Variants in SCN4A observed in about 807,000 individuals in gnomAD.
The protein encoded by SCN4A is sodium channel protein type 4 subunit alpha.
Under a neutral mutation model 162.0 loss-of-function variants are expected in SCN4A, and 83 were observed. The ratio of observed to expected loss-of-function variants is 0.51; its 90% confidence interval spans 0.43 to 0.61. The LOEUF (loss-of-function observed/expected upper bound fraction) is 0.61, where lower values mean the gene tolerates loss of function less well. Ranked by LOEUF, SCN4A falls within the 20% of genes least tolerant of loss-of-function variation. The pLI, the probability that SCN4A is intolerant of heterozygous loss-of-function variation, is 0.00. For missense variants in SCN4A, 2,196 were observed against 2,462.5 expected (o/e 0.89, Z 2.29); for synonymous variants, 944 against 985.1 (o/e 0.96, Z 0.78).
intron 12 of SCN4A, among the ~76,000 whole-genome samples, chr17:63,958,284 G>A: frequency 6.6e-6 from 1 of 151,868 alleles, no homozygotes; most frequent in East Asian, 1.9e-4. Flanking sequence ...TGAGTCTGGG[G>A]AGGTCAAGGC....
At chr17:63,943,379 CAA>C (rs1598405880) in intron 22 of SCN4A, among the ~76,000 whole-genome samples, 1 of 142,810 alleles carries the variant, frequency 7.0e-6, no homozygotes, top group East Asian at 2.1e-4. Context: ...CCCTTTCTTC[CAA>C]AGTCATTGCT....
At position 63,951,952 on chromosome 17, in the gene SCN4A, G is replaced by T. The variant is rs1292514385; in HGVS notation, c.2377-52C>A. ...CACATCAGTCCCCGGGACCCAGAGGGTGCCACCTTCAGCCAGCACAGGGGT... is the reference window on the plus strand; with the variant it reads ...CACATCAGTCCCCGGGACCCAGAGGTTGCCACCTTCAGCCAGCACAGGGGT... On this transcript the variant is annotated intron_variant, in intron 13 of 23. Transcript: ENST00000435607. The surrounding 1 kb of genome is among the most constrained non-coding windows in gnomAD (Gnocchi z 4.5). The T allele has an allele frequency of 1.7e-6, 2 of 1,211,920 alleles. No individual in the cohort carries two copies. Among genetic ancestry groups the T allele is most frequent in the East Asian group, 2.6e-5 (1 of 39,020 alleles). 75.1% of individuals were successfully genotyped at this position (1,211,920 alleles called of 1,614,324 possible).
Position 63,939,173 on chromosome 17 carries a change from G to A in SCN4A, c.*1598C>T, listed in dbSNP as rs1043877549. ...CCTGAATTTTAATCAAACTTTTCATGAGAAACAAGAAGAAAAAGAAGAGGC... is the reference window on the plus strand; with the variant it reads ...CCTGAATTTTAATCAAACTTTTCATAAGAAACAAGAAGAAAAAGAAGAGGC... On this transcript the variant is annotated 3_prime_UTR_variant, in exon 24 of 24. Transcript: ENST00000435607. 1 of 152,692 alleles carries A rather than the reference G, an allele frequency of 6.5e-6. No homozygotes were observed. The highest frequency in any genetic ancestry group is 2.4e-5 in the African/African-American group (1 of 41,436). 9.5% of individuals were successfully genotyped at this position (152,692 alleles called of 1,614,324 possible).
chr17:63,940,703 T>C lies in SCN4A; in HGVS notation c.*68A>G. ...TTCAAAGCCCTCCTCCCTCACTCTGTGTGCAGGCACCACGGGGGAGCTCTG... is the reference window on the plus strand; with the variant it reads ...TTCAAAGCCCTCCTCCCTCACTCTGCGTGCAGGCACCACGGGGGAGCTCTG... On this transcript the variant is annotated 3_prime_UTR_variant, in exon 24 of 24. Coordinates refer to ENST00000435607, the MANE Select transcript of SCN4A (RefSeq NM_000334.4). The C allele has an allele frequency of 6.7e-7, 1 of 1,497,154 alleles. No individual in the cohort carries two copies. Among genetic ancestry groups the C allele is most frequent in the Non-Finnish European group, 8.9e-7 (1 of 1,118,380 alleles). The allele number at this position is 1,497,154 out of a possible 1,614,324, so 92.7% of individuals were successfully genotyped here.
In SCN4A at chr17:63,957,019, A is replaced by T. The variant is rs545812767; in HGVS notation, c.2376+143T>A. 11 of 609,970 alleles carry T rather than the reference A, an allele frequency of 1.8e-5. No individual in the cohort carries two copies. In the East Asian group the frequency reaches 3.0e-4, roughly 17 times the overall value. The allele number at this position is 609,970 out of a possible 1,614,324, so 37.8% of individuals were successfully genotyped here. ...TCCTAAGTGATTCTTACACAGGTTA[A>T]AATTTGAGAACTACGGGGTTAAACC... On this transcript the variant is annotated intron_variant, in intron 13 of 23. Coordinates refer to ENST00000435607, the MANE Select transcript of SCN4A (RefSeq NM_000334.4).
chr17:63,939,768 G>A lies in SCN4A; in HGVS notation c.*1003C>T, dbSNP rs1174837872. 2 of 152,270 alleles carry A rather than the reference G, an allele frequency of 1.3e-5. No individual in the cohort carries two copies. The highest frequency in any genetic ancestry group is 4.8e-5 in the African/African-American group (2 of 41,438). 9.4% of individuals were successfully genotyped at this position (152,270 alleles called of 1,614,324 possible). On this transcript the variant is annotated 3_prime_UTR_variant, in exon 24 of 24. Coordinates refer to ENST00000435607, the MANE Select transcript of SCN4A (RefSeq NM_000334.4). ...TTCTTAGGATCACTTTGGGGAGAGA[G>A]GTGGGAAAGGTGAGAAAGAGACGGG...
intron 11 of SCN4A, among the ~76,000 whole-genome samples, 188 bp downstream of exon 11, chr17:63,961,005 G>A (rs1457145842): frequency 1.9e-4 from 28 of 144,716 alleles, no homozygotes; most frequent in Non-Finnish European, 1.5e-5. Flanking sequence ...CCAGTTCTGT[G>A]TGCCACAGAT....
intron 5 of SCN4A, among the ~76,000 whole-genome samples, chr17:63,969,872 A>AC (rs776748240): frequency 5.3e-5 from 8 of 151,732 alleles, no homozygotes; most frequent in Non-Finnish European, 1.0e-4. Flanking sequence ...CAGAGTCCTG[A>AC]CCCCAAGTGA....
chr17:63,957,774 C>T (rs150779282), intron 12 of SCN4A, among the ~76,000 whole-genome samples: 15 of 151,034 alleles, frequency 9.9e-5, no homozygotes, highest in African/African-American at 2.7e-4. Flanking sequence ...GAAGCCGAGG[C>T]GGGTGGATCA....
At chr17:63,959,471 C>A (rs1168268836) in intron 11 of SCN4A, 33 bp from the exon 12 acceptor site, 1 of 1,602,770 alleles carries the variant, frequency 6.2e-7, no homozygotes, top group South Asian at 1.1e-5. Flanking sequence ...GTCACAGAGC[C>A]TCGGGGAGCC....
chr17:63,941,848 C>A lies in SCN4A; in HGVS notation c.4434G>T (p.Ser1478=). ...GGCCGATGTTGAAGAGGGCAGGCAG[C>A]GACATCATGAGGGCGAACAGCAGCG... is the stretch of plus-strand genomic sequence containing the variant. ...IRTLLFALMM[S]LPALFNIGLL... is the part of the protein sequence containing the mutation. The change falls in exon 24 of 24, where the codon TCG becomes TCT. Residue 1478 remains serine, a synonymous_variant. Coordinates refer to ENST00000435607, the MANE Select transcript of SCN4A (RefSeq NM_000334.4). This position sits in a 1 kb window ranked among gnomAD's most constrained non-coding sequence, Gnocchi z 6.2. 2 of 1,614,142 alleles carry A rather than the reference C, an allele frequency of 1.2e-6. No individual in the cohort carries two copies. The highest frequency in any genetic ancestry group is 1.7e-6 in the Non-Finnish European group (2 of 1,179,970).
At position 63,944,631 on chromosome 17, in the gene SCN4A, G is replaced by A. The variant is rs1908652112; in HGVS notation, c.3912+42C>T. 1.3e-6 allele frequency: 2 copies of A among 1,566,148 alleles called. No homozygotes were observed. Among genetic ancestry groups the A allele is most frequent in the Non-Finnish European group, 1.7e-6 (2 of 1,154,062 alleles). On this transcript the variant is annotated intron_variant, in intron 21 of 23. Coordinates refer to ENST00000435607, the MANE Select transcript of SCN4A (RefSeq NM_000334.4). The surrounding 1 kb of genome is among the most constrained non-coding windows in gnomAD (Gnocchi z 4.3). ...AGTGGACAAAGGAGGCAGGAGGGAG[G>A]CCCAGCACCGGGAGGGCCCGAGGGG...
chr17:63,971,236 A>G lies in SCN4A; in HGVS notation c.629T>C (p.Val210Ala). ...CAGGGCTGAGATGTTGCCCAAGTCC[A>G]CAAACTCTGTCAGGTACCTGGGTAG... Reference protein sequence around the residue: ...VIMMAYLTEFVDLGNISALRT... With the variant: ...VIMMAYLTEFADLGNISALRT... Residue 210 changes from valine to alanine, a missense_variant, in exon 5 of 24, where the codon GTG becomes GCG. Transcript: ENST00000435607. 6.4e-7 allele frequency: 1 copy of G among 1,558,652 alleles called. No homozygotes were observed. Among genetic ancestry groups the G allele is most frequent in the Middle Eastern group, 1.7e-4 (1 of 5,918 alleles).
chr17:63,941,810 A>C lies in SCN4A; in HGVS notation c.4472T>G (p.Leu1491Arg). The change falls in exon 24 of 24, where the codon CTG becomes CGG. Residue 1491 changes from leucine to arginine, a missense_variant. Transcript: ENST00000435607. The surrounding 1 kb of genome is among the most constrained non-coding windows in gnomAD (Gnocchi z 6.2). ...GAAGATGGAGTAGATGAACATGACC[A>C]GGAAGAGGAGGAGGCCGATGTTGAA... is the stretch of plus-strand genomic sequence containing the variant. ...ALFNIGLLLFLVMFIYSIFGM... is the reference protein window; with the variant it reads ...ALFNIGLLLFRVMFIYSIFGM... 1 of 1,614,232 alleles carries C rather than the reference A, an allele frequency of 6.2e-7. No individual in the cohort carries two copies. The highest frequency in any genetic ancestry group is 8.5e-7 in the Non-Finnish European group (1 of 1,180,030).
At position 63,950,921 on chromosome 17, in the gene SCN4A, A is replaced by G. The variant is rs1422824902; in HGVS notation, c.2853+503T>C. 6.6e-6 allele frequency among the ~76,000 whole-genome samples: 1 copy of G among 152,204 alleles called. No individual in the cohort carries two copies. The highest frequency in any genetic ancestry group is 1.5e-5 in the Non-Finnish European group (1 of 68,024). On this transcript the variant is annotated intron_variant, in intron 14 of 23. Transcript: ENST00000435607. This position sits in a 1 kb window ranked among gnomAD's most constrained non-coding sequence, Gnocchi z 4.6. The stretch of plus-strand genomic sequence containing the variant: ...TTGTCCTCAACTCCCGTTGGCCCCT[A>G]GCTCCTCTCCTGAATCCCCTGCCTG...
intron 11 of SCN4A, among the ~76,000 whole-genome samples, chr17:63,960,119 G>A (rs1278809583): frequency 6.6e-6 from 1 of 152,246 alleles, no homozygotes; most frequent in Non-Finnish European, 1.5e-5. Context: ...AGCTCCCTGG[G>A]CACGGCCCCC....
rs765847714 is a variant in SCN4A, at chr17:63,964,608, G to T, written c.1312C>A (p.Leu438Ile). 2 of 1,613,522 alleles carry T rather than the reference G, an allele frequency of 1.2e-6. No individual in the cohort carries two copies. Among genetic ancestry groups the T allele is most frequent in the African/African-American group, 2.7e-5 (2 of 74,948 alleles). ...ACCACGGCCAGGATCAGATTGATGA[G>T]GTAGAAAGAGCCCAGGAAGATGATG... ...VVIIFLGSFY[L>I]INLILAVVAM... The change falls in exon 9 of 24, where the codon CTC becomes ATC. Residue 438 changes from leucine (L) to isoleucine (I), a missense_variant. Physicochemically the swap from Leu to Ile is conservative, Grantham distance 5. Coordinates refer to ENST00000435607, the MANE Select transcript of SCN4A (RefSeq NM_000334.4).
At position 63,941,538 on chromosome 17, in the gene SCN4A, T is replaced by C. The variant is rs1908531869; in HGVS notation, c.4744A>G (p.Ile1582Val). 1 of 1,613,852 alleles carries C rather than the reference T, an allele frequency of 6.2e-7. No individual in the cohort carries two copies. Among genetic ancestry groups the C allele is most frequent in the Non-Finnish European group, 8.5e-7 (1 of 1,179,984 alleles). ...ACCACGATGAGGAAGGAGATGATGA[T>C]ATAGCTGCAGAAGAAGCAGATGCCG... ...SIGICFFCSY[I>V]IISFLIVVNM... is the part of the protein sequence containing the mutation. The change falls in exon 24 of 24, where the codon ATC becomes GTC. Residue 1582 changes from isoleucine to valine, a missense_variant. Physicochemically the swap from Ile to Val is conservative, Grantham distance 29 (BLOSUM62 3). Transcript: ENST00000435607. The surrounding 1 kb of genome is among the most constrained non-coding windows in gnomAD (Gnocchi z 6.2).
At chr17:63,947,381 T>C (rs1196008384) in intron 17 of SCN4A, among the ~76,000 whole-genome samples, 1 of 152,056 alleles carries the variant, frequency 6.6e-6, no homozygotes, top group East Asian at 1.9e-4. Context: ...ATCAACCAAC[T>C]GGGGATGACT....
Sources: allele counts gnomAD v4.1 joint callset (sites outside exome capture counted in the v4.1 genomes callset), GRCh38; gene constraint gnomAD v4.1.1; non-coding constraint Gnocchi (gnomAD v3.1); transcripts MANE v1.5; gene names NCBI Gene and HGNC (gene_info 2026-07-23, HGNC 2026-07-21).